TULP4: variants seen among roughly 807,000 people sequenced by gnomAD.
TULP4 encodes TUB like protein 4.
TULP4 carries 16 observed loss-of-function variants against 129.0 expected under a neutral mutation model. That is an observed-to-expected ratio of 0.12 (90% confidence interval 0.08 to 0.19). TULP4 has a LOEUF of 0.19. Among genes scored for constraint, TULP4 ranks in the 10% least tolerant of loss-of-function variants. TULP4 has a pLI of 1.00. For missense variants in TULP4, 1,842 were observed against 2,059.1 expected (o/e 0.89, Z 2.04); for synonymous variants, 998 against 854.0 (o/e 1.17, Z -2.94).
intron 11 of TULP4, among the ~76,000 whole-genome samples, chr6:158,497,121 G>A (rs562124914): frequency 1.3e-5 from 2 of 152,266 alleles, no homozygotes; most frequent in Admixed American, 6.5e-5. Context: ...TCAAAGTGCT[G>A]GAATTACAGG....
chr6:158,385,044 A>C (rs1777409208), intron 1 of TULP4, among the ~76,000 whole-genome samples: 1 of 152,200 alleles, frequency 6.6e-6, no homozygotes, highest in Non-Finnish European at 1.5e-5. Flanking sequence ...AAATGACCTG[A>C]TGCTTTTATC....
At chr6:158,478,131 A>T (rs1300761988) in intron 6 of TULP4, among the ~76,000 whole-genome samples, 1 of 152,200 alleles carries the variant, frequency 6.6e-6, no homozygotes, top group Non-Finnish European at 1.5e-5. Context: ...AGAAGATCAG[A>T]AAAAATGCCT....
chr6:158,326,520 A>C (rs1284742527), intron 1 of TULP4, among the ~76,000 whole-genome samples: 1 of 152,132 alleles, frequency 6.6e-6, no homozygotes, highest in Non-Finnish European at 1.5e-5. Flanking sequence ...TTTTTTGGTT[A>C]AACTCCTTTT....
At chr6:158,355,839 C>A (rs1468803523) in intron 1 of TULP4, among the ~76,000 whole-genome samples, 1 of 152,116 alleles carries the variant, frequency 6.6e-6, no homozygotes, top group African/African-American at 2.4e-5. Context: ...TTTATACATG[C>A]AACAACATGG....
In TULP4 at chr6:158,246,023, G is replaced by GGGGGTGTGT. The variant is rs113914160; in HGVS notation, n.68+13721_68+13722insGGGTGTGTG. Among the ~76,000 whole-genome samples, 278 of 145,918 alleles carry GGGGGTGTGT rather than the reference G, an allele frequency of 1.9e-3. 1 individual carries two copies. The highest frequency in any genetic ancestry group is 9.2e-3 in the South Asian group (41 of 4,446). On this transcript the variant is annotated intron_variant and non_coding_transcript_variant, in intron 1 of 1. Transcript: ENST00000620026. Reference sequence around the variant, plus strand: ...GTGAGTAATTTGCCTACCCCTTAGGGGTGTGTGTGTGTGTGTGTGTGTGTG... The same window carrying GGGGGTGTGT: ...GTGAGTAATTTGCCTACCCCTTAGGGGGGGTGTGTGTGTGTGTGTGTGTGTGTGTGTGTG...
Position 158,504,191 on chromosome 6 carries a change from A to T in TULP4, c.4515+13A>T. On this transcript the variant is annotated intron_variant, in intron 13 of 13. Transcript: ENST00000367097. ...AGAGGGGCGGCAGGTAAGACCTCAG[A>T]CCAGGTGGCGCTGCGAGCCCAGGAG... 1.3e-6 allele frequency: 2 copies of T among 1,543,396 alleles called. No homozygotes were observed. Among genetic ancestry groups the T allele is most frequent in the Non-Finnish European group, 1.8e-6 (2 of 1,141,150 alleles).
At chr6:158,337,855 CAG>C (rs750637560) in intron 1 of TULP4, among the ~76,000 whole-genome samples, 2 of 151,208 alleles carry the variant, frequency 1.3e-5, no homozygotes, top group Admixed American at 6.6e-5. Context: ...AAGTAGGAAA[CAG>C]AAGAAACCAG....
chr6:158,276,526 T>C (rs1778649567), intron 1 of TULP4, among the ~76,000 whole-genome samples: 2 of 151,892 alleles, frequency 1.3e-5, no homozygotes, highest in East Asian at 3.9e-4. Flanking sequence ...AACTCCTCCT[T>C]CTTCTAAAGC....
intron 1 of TULP4, among the ~76,000 whole-genome samples, chr6:158,378,381 G>A (rs1461127223): frequency 6.7e-6 from 1 of 148,764 alleles, no homozygotes; most frequent in Middle Eastern, 3.3e-3. Flanking sequence ...AGACTTAAAA[G>A]GAAAGAATAA....
Position 158,502,954 on chromosome 6 carries a change from C to T in TULP4, c.3291C>T (p.His1097=), listed in dbSNP as rs1780498597. 1 of 1,614,006 alleles carries T rather than the reference C, an allele frequency of 6.2e-7. No individual in the cohort carries two copies. The highest frequency in any genetic ancestry group is 1.3e-5 in the African/African-American group (1 of 75,046). The part of the protein sequence containing the change: ...AFTEDEALSQ[H]CQLEKPLRHP... ...CGGAGGACGAGGCCCTGTCCCAGCA[C>T]TGTCAGCTTGAGAAGCCCTTGAGGC... The change falls in exon 13 of 14, where the codon CAC becomes CAT. Residue 1097 remains histidine (H), a synonymous_variant. Transcript: ENST00000367097.
intron 8 of TULP4, among the ~76,000 whole-genome samples, chr6:158,487,291 T>C (rs537383906): frequency 4.6e-5 from 7 of 151,454 alleles, no homozygotes; most frequent in Admixed American, 1.3e-4. Flanking sequence ...ATACAAAAAA[T>C]TAGCCAGCCA....
intron 1 of TULP4, among the ~76,000 whole-genome samples, chr6:158,283,912 G>A (rs936415435): frequency 1.6e-4 from 24 of 152,014 alleles, no homozygotes; most frequent in African/African-American, 2.9e-4. Context: ...TAGTTTCTGC[G>A]CCCATTTAAC....
At chr6:158,483,604 T>G in intron 8 of TULP4, among the ~76,000 whole-genome samples, 1 of 152,224 alleles carries the variant, frequency 6.6e-6, no homozygotes, top group Admixed American at 6.5e-5. Flanking sequence ...GGAACCACCA[T>G]GCCTGTCCCC....
intron 1 of TULP4, among the ~76,000 whole-genome samples, chr6:158,257,552 A>G (rs1778272655): frequency 6.6e-6 from 1 of 152,222 alleles, no homozygotes. Flanking sequence ...TTTAAAAATA[A>G]CGGTTGCTTC....
Position 158,313,499 on chromosome 6 carries a change from G to A in TULP4, c.-518G>A, listed in dbSNP as rs1779411645. 1 of 402,318 alleles carries A rather than the reference G, an allele frequency of 2.5e-6. No individual in the cohort carries two copies. The highest frequency in any genetic ancestry group is 1.2e-4 in the South Asian group (1 of 8,210). The allele number at this position is 402,318 out of a possible 1,614,324, so 24.9% of individuals were successfully genotyped here. A position where few individuals can be genotyped will look rare whatever the true frequency, so the allele number is the denominator to read the frequency against. ...GTGGCTTCAGAAGGAAGATGATCCT[G>A]TGTATTCTGTCTCTGCATCCGAACT... On this transcript the variant is annotated 5_prime_UTR_variant, in exon 1 of 14. The change creates a new upstream start codon in the 5' untranslated region. Coordinates refer to ENST00000367097, the MANE Select transcript of TULP4 (RefSeq NM_020245.5).
At chr6:158,270,084 C>T (rs1778519617) in intron 1 of TULP4, among the ~76,000 whole-genome samples, 1 of 152,342 alleles carries the variant, frequency 6.6e-6, no homozygotes, top group South Asian at 2.1e-4. Flanking sequence ...GTTAATTCTA[C>T]TCTGTAGCAG....
At chr6:158,411,128 A>G (rs990229568) in intron 1 of TULP4, among the ~76,000 whole-genome samples, 3 of 133,092 alleles carry the variant, frequency 2.3e-5, no homozygotes, top group Non-Finnish European at 3.4e-5. Context: ...GTAAAAGTGA[A>G]AAAAAAAAAA....
chr6:158,478,185 C>T (rs780668103), intron 6 of TULP4, among the ~76,000 whole-genome samples: 4 of 152,168 alleles, frequency 2.6e-5, no homozygotes, highest in Admixed American at 6.5e-5. Flanking sequence ...ATTACCTGTA[C>T]ACCAAATCCC....
At chr6:158,458,113 C>A (rs1410393968) in intron 5 of TULP4, among the ~76,000 whole-genome samples, 1 of 152,170 alleles carries the variant, frequency 6.6e-6, no homozygotes, top group Non-Finnish European at 1.5e-5. Flanking sequence ...TAACTTCAGA[C>A]TCCAAACAGT....
Sources: gnomAD v4.1 joint callset for allele counts (sites outside exome capture counted in the v4.1 genomes callset) on GRCh38, gnomAD v4.1.1 for gene constraint, MANE v1.5 for transcripts, NCBI Gene and HGNC (gene_info 2026-07-23, HGNC 2026-07-21) for gene names.